The following SLAMF6 variants were observed in gnomAD, a reference collection of about 807,000 sequenced individuals.
SLAMF6 encodes NK-T-B-antigen.
In SLAMF6, 21 loss-of-function variants were observed where a neutral mutation model predicts 38.3. The ratio of observed to expected loss-of-function variants is 0.55; its 90% CI spans 0.39 to 0.79. The LOEUF is 0.79. Among genes scored for constraint, SLAMF6 ranks in the 30% least tolerant of loss-of-function variants. SLAMF6 has a pLI of 0.00. For synonymous variants in SLAMF6, 152 were observed against 146.3 expected, an observed-to-expected ratio of 1.04 and a Z score of -0.28; for missense variants, 341 against 385.3, an observed-to-expected ratio of 0.89 and a Z score of 0.96.
intron 1 of SLAMF6, among the ~76,000 whole-genome samples, chr1:160,516,361 A>T (rs1654743295): frequency 6.6e-6 from 1 of 152,220 alleles, no homozygotes. Context: ...AGAGGACACA[A>T]ACAAATGGAA....
chr1:160,491,231 A>T lies in SLAMF6; in HGVS notation c.540T>A (p.Thr180=). The T allele has an allele frequency of 6.2e-7, 1 of 1,614,098 alleles. No individual in the cohort carries two copies. The highest frequency in any genetic ancestry group is 8.5e-7 in the Non-Finnish European group (1 of 1,179,986). Residue 180 remains threonine (T), a synonymous_variant, in exon 3 of 8, where the codon ACT becomes ACA. Coordinates refer to ENST00000368057, the MANE Select transcript of SLAMF6 (RefSeq NM_001184714.2). ...GNTLSSQPNL[T]VSWDPRISSE... ...TGGAAATCCTGGGGTCCCAGGAGAC[A>T]GTGAGGTTTGGCTGACTTGAAAGTG...
At position 160,518,110 on chromosome 1, in the gene SLAMF6, TA is replaced by T. The variant is rs111767017; in HGVS notation, c.49+5033del. Among the ~76,000 whole-genome samples, 662 of 145,164 alleles carry T rather than the reference TA, an allele frequency of 4.6e-3. 2 individuals are homozygous for T. Among genetic ancestry groups the T allele is most frequent in the African/African-American group, 0.012 (478 of 39,882 alleles). On this transcript the variant is annotated intron_variant, in intron 1 of 7. Transcript: ENST00000368057. ...TCCATTAAACTTACTCTTCAGGTGT[TA>T]AAAAAAAAAAGAAGACATTTATGTG...
intron 1 of SLAMF6, among the ~76,000 whole-genome samples, chr1:160,514,439 A>G (rs1654641796): frequency 6.6e-6 from 1 of 152,232 alleles, no homozygotes. Flanking sequence ...AATATTAGGC[A>G]GATCATTCAG....
chr1:160,503,130 A>G (rs945136889), intron 1 of SLAMF6, among the ~76,000 whole-genome samples: 1 of 152,158 alleles, frequency 6.6e-6, no homozygotes, highest in Non-Finnish European at 1.5e-5. Flanking sequence ...AAGGTTAAAG[A>G]TCTCAAAAGA....
intron 1 of SLAMF6, among the ~76,000 whole-genome samples, chr1:160,517,230 A>T (rs1342512545): frequency 1.3e-5 from 2 of 152,258 alleles, no homozygotes; most frequent in Non-Finnish European, 2.9e-5. Flanking sequence ...TCAAAAGAAG[A>T]CATTCATGCA....
At chr1:160,492,955 C>T (rs1427289566) in intron 2 of SLAMF6, among the ~76,000 whole-genome samples, 5 of 152,118 alleles carry the variant, frequency 3.3e-5, no homozygotes, top group South Asian at 2.1e-4. Context: ...TTGCAATGGT[C>T]TCCTAATTGG....
chr1:160,490,333 C>A (rs1653218423), intron 4 of SLAMF6, 97 bp from the exon 5 acceptor site: 4 of 1,581,620 alleles, frequency 2.5e-6, no homozygotes, highest in Non-Finnish European at 3.5e-6. Flanking sequence ...GGGAGGGGAC[C>A]CAAAAGGAAG....
Position 160,523,232 on chromosome 1 carries a change from A to G in SLAMF6, c.-40T>C, listed in dbSNP as rs1411802764. On this transcript the variant is annotated 5_prime_UTR_variant, in exon 1 of 8. Coordinates refer to ENST00000368057, the MANE Select transcript of SLAMF6 (RefSeq NM_001184714.2). The stretch of plus-strand genomic sequence containing the variant: ...AGACTGGTGCTTGAGACCTTGAGGC[A>G]GTCAATGTTTTTGCCCTTCTGTCAT... The G allele has an allele frequency of 1.9e-6, 3 of 1,605,166 alleles. No individual in the cohort carries two copies. The African/African-American group carries it at 4.0e-5, about 22-fold the overall frequency.
At chr1:160,493,007 C>T (rs1272911810) in intron 2 of SLAMF6, among the ~76,000 whole-genome samples, 1 of 152,192 alleles carries the variant, frequency 6.6e-6, no homozygotes, top group Non-Finnish European at 1.5e-5. Flanking sequence ...CTACTCTCAA[C>T]AGATCAGCCA....
intron 2 of SLAMF6, among the ~76,000 whole-genome samples, chr1:160,494,783 C>A (rs1365029728): frequency 6.6e-6 from 1 of 152,084 alleles, no homozygotes; most frequent in Admixed American, 6.5e-5. Flanking sequence ...GCAGATTGCC[C>A]GCTACAGCCT....
At chr1:160,487,083 A>C (rs948894022) in intron 7 of SLAMF6, 21 bp downstream of exon 7, 1 of 1,578,426 alleles carries the variant, frequency 6.3e-7, no homozygotes, top group Non-Finnish European at 8.7e-7. Context: ...ATATAAAAAC[A>C]TGGAGCAATC....
chr1:160,490,641 C>A lies in SLAMF6; in HGVS notation c.691G>T (p.Val231Phe), dbSNP rs760457727. 6.2e-7 allele frequency: 1 copy of A among 1,613,824 alleles called. No individual in the cohort carries two copies. The highest frequency in any genetic ancestry group is 8.5e-7 in the Non-Finnish European group (1 of 1,179,854). Residue 231 changes from valine (V) to phenylalanine (F), a missense_variant, in exon 4 of 8, where the codon GTT (valine) becomes TTT (phenylalanine). Physicochemically the swap from Val to Phe is conservative, Grantham distance 50. Transcript: ENST00000368057. ...CCGAAGACTATGCATATCCCAGAAA[C>A]CATAAACAGAATCATTTTGGTATCT... ...YTDTKMILFM[V>F]SGICIVFGFI... is the part of the protein sequence containing the mutation.
At position 160,496,195 on chromosome 1, in the gene SLAMF6, C is replaced by T. The variant is rs143715578; in HGVS notation, c.248G>A (p.Gly83Glu). ...GGACTGGGTGAAGTTCAGTCGCTTT[C>T]CCTGTTTCGGATTAGTCACGTGGAT... ...PEIHVTNPKQ[G>E]KRLNFTQSYS... Residue 83 changes from glycine to glutamate, a missense_variant, in exon 2 of 8, where the codon GGA becomes GAA. Gly to Glu is a moderately conservative substitution (Grantham distance 98). Transcript: ENST00000368057. 1.2e-6 allele frequency: 2 copies of T among 1,613,892 alleles called. No homozygotes were observed. The highest frequency in any genetic ancestry group is 1.7e-6 in the Non-Finnish European group (2 of 1,179,910).
Position 160,488,991 on chromosome 1 carries a change from C to T in SLAMF6, c.879+97G>A, listed in dbSNP as rs1279121846. 20 of 1,128,578 alleles carry T rather than the reference C, an allele frequency of 1.8e-5. 1 individual carries two copies. The highest frequency in any genetic ancestry group is 5.2e-5 in the Admixed American group (3 of 57,988). The allele number at this position is 1,128,578 out of a possible 1,614,324, so 69.9% of individuals were successfully genotyped here. A position where few individuals can be genotyped will look rare whatever the true frequency, so the allele number is the denominator to read the frequency against. Reference sequence around the variant, plus strand: ...CGCTGTGGCTGTCTTCTCCTCCCCTCAGTGGTCATTTGTTCAGTCAGATGG... The same window carrying T: ...CGCTGTGGCTGTCTTCTCCTCCCCTTAGTGGTCATTTGTTCAGTCAGATGG... On this transcript the variant is annotated intron_variant, in intron 6 of 7. Coordinates refer to ENST00000368057, the MANE Select transcript of SLAMF6 (RefSeq NM_001184714.2).
At chr1:160,501,926 C>T (rs1653921045) in intron 1 of SLAMF6, among the ~76,000 whole-genome samples, 2 of 152,094 alleles carry the variant, frequency 1.3e-5, no homozygotes, top group Admixed American at 6.6e-5. Flanking sequence ...TAGTTCCCCA[C>T]AGACCCAAAA....
At chr1:160,511,698 G>T (rs1045300499) in intron 1 of SLAMF6, among the ~76,000 whole-genome samples, 6 of 152,182 alleles carry the variant, frequency 3.9e-5, no homozygotes, top group South Asian at 2.1e-4. Flanking sequence ...AGTAAGAAAA[G>T]ATAAAATGTG....
chr1:160,513,951 T>C (rs1654619720), intron 1 of SLAMF6, among the ~76,000 whole-genome samples: 1 of 152,160 alleles, frequency 6.6e-6, no homozygotes, highest in Admixed American at 6.5e-5. Flanking sequence ...GTGAAGCAAC[T>C]ACATCAATAA....
intron 1 of SLAMF6, among the ~76,000 whole-genome samples, chr1:160,505,833 G>C (rs150543566): frequency 3.9e-5 from 6 of 152,268 alleles, no homozygotes; most frequent in Non-Finnish European, 8.8e-5. Context: ...GAGCCAAGTA[G>C]AGATTCTGGA....
chr1:160,507,407 T>G (rs142176601), intron 1 of SLAMF6, among the ~76,000 whole-genome samples: 2 of 152,102 alleles, frequency 1.3e-5, no homozygotes, highest in Non-Finnish European at 2.9e-5. Flanking sequence ...GTAACAAAAT[T>G]CAAGGGAGAA....
Sources: allele counts gnomAD v4.1 joint callset (sites outside exome capture counted in the v4.1 genomes callset), GRCh38; gene constraint gnomAD v4.1.1; transcripts MANE v1.5; gene names NCBI Gene and HGNC (gene_info 2026-07-23, HGNC 2026-07-21).